The following PIGR variants were observed in gnomAD, a reference collection of about 807,000 sequenced individuals.
The protein encoded by PIGR is polymeric immunoglobulin receptor, also known as hepatocellular carcinoma associated protein TB6.
A neutral mutation model predicts 69.5 loss-of-function variants in PIGR; 22 were observed. The observed-to-expected ratio is 0.32, with a 90% confidence interval of 0.23 to 0.45. The LOEUF (loss-of-function observed/expected upper bound fraction) is 0.45, where lower values mean the gene tolerates loss of function less well. Ranked by LOEUF, PIGR falls within the 20% of genes least tolerant of loss-of-function variation. The pLI, the probability that PIGR is intolerant of heterozygous loss-of-function variation, is 1.00. For synonymous variants in PIGR, 413 were observed against 407.6 expected (o/e 1.01, Z -0.16); for missense variants, 885 against 974.0 (o/e 0.91, Z 1.22).
chr1:206,940,577 G>A lies in PIGR; in HGVS notation c.-46C>T, dbSNP rs1295495478. 6.6e-7 allele frequency: 1 copy of A among 1,519,230 alleles called. No individual in the cohort carries two copies. The highest frequency in any genetic ancestry group is 8.9e-7 in the Non-Finnish European group (1 of 1,127,598). The allele number at this position is 1,519,230 out of a possible 1,614,324, so 94.1% of individuals were successfully genotyped here. On this transcript the variant is annotated 5_prime_UTR_variant, in exon 2 of 11. Transcript: ENST00000356495. ...CGCACCACTCAGGCCGACTTCTCCT[G>A]TGCAATGCTGAAAAACAATAATCAC...
chr1:206,931,882 G>A (rs550784070), intron 8 of PIGR, 80 bp from the exon 9 acceptor site: 88 of 1,513,540 alleles, frequency 5.8e-5, no homozygotes, highest in Middle Eastern at 2.2e-4. Flanking sequence ...CTCTCTGGGC[G>A]GATCCACTGT....
In PIGR at chr1:206,929,220, G is replaced by A. The variant is rs565609658; in HGVS notation, c.*1098C>T. ...ATTGTGTCACTGCATTCCAGTCTGG[G>A]TGACACAGTGAGACTTTGTCTCAAA... On this transcript the variant is annotated 3_prime_UTR_variant, in exon 11 of 11. Transcript: ENST00000356495. The A allele has an allele frequency of 1.1e-4, 17 of 152,292 alleles. No homozygotes were observed. Among genetic ancestry groups the A allele is most frequent in the African/African-American group, 3.9e-4 (16 of 41,512 alleles). 9.4% of individuals were successfully genotyped at this position (152,292 alleles called of 1,614,324 possible). A position where few individuals can be genotyped will look rare whatever the true frequency, so the allele number is the denominator to read the frequency against.
At chr1:206,945,466 G>T (rs1337632913) in intron 1 of PIGR, among the ~76,000 whole-genome samples, 1 of 152,196 alleles carries the variant, frequency 6.6e-6, no homozygotes, top group Non-Finnish European at 1.5e-5. Flanking sequence ...TCTGAGATCT[G>T]CTGGCTGCAG....
In PIGR at chr1:206,939,218, T is replaced by G. The variant is rs748397817; in HGVS notation, c.289A>C (p.Ile97Leu). Residue 97 changes from isoleucine (I) to leucine (L), a missense_variant, in exon 3 of 11, where the codon ATT becomes CTT. Transcript: ENST00000356495. ...GAGTCATCCTGGCTCAGCTGGGCAA[T>G]GTTCACCACAAATGTGCCGTTCTCC... is the stretch of plus-strand genomic sequence containing the variant. Reference protein sequence around the residue: ...FPENGTFVVNIAQLSQDDSGR... With the variant: ...FPENGTFVVNLAQLSQDDSGR... 22 of 1,614,050 alleles carry G rather than the reference T, an allele frequency of 1.4e-5. No homozygotes were observed. The South Asian group carries it at 2.3e-4, about 17-fold the overall frequency.
intron 10 of PIGR, chr1:206,931,136 C>G (rs1161567806): frequency 2.0e-6 from 2 of 985,324 alleles, no homozygotes; most frequent in Non-Finnish European, 2.4e-6. Context: ...GATGTGTGGC[C>G]TGAGGTCCTT....
At position 206,930,461 on chromosome 1, in the gene PIGR, G is replaced by A. The variant is rs1679715506; in HGVS notation, c.2200-48C>T. ...TCAGTGTTGGGGGCACTGGCTCAGTGGGTGGAGTCAGGGGAGGGGAGGTGC... is the reference window on the plus strand; with the variant it reads ...TCAGTGTTGGGGGCACTGGCTCAGTAGGTGGAGTCAGGGGAGGGGAGGTGC... On this transcript the variant is annotated intron_variant, in intron 10 of 10. Transcript: ENST00000356495. This position sits in a 1 kb window ranked among gnomAD's most constrained non-coding sequence, Gnocchi z 4.3. 1 of 1,586,180 alleles carries A rather than the reference G, an allele frequency of 6.3e-7. No individual in the cohort carries two copies. The highest frequency in any genetic ancestry group is 1.3e-5 in the African/African-American group (1 of 74,214).
At chr1:206,934,863 T>C in intron 5 of PIGR, 117 bp from the exon 6 acceptor site, 1 of 550,342 alleles carries the variant, frequency 1.8e-6, no homozygotes. Flanking sequence ...ATATATATTT[T>C]TGTTTTTGTT....
rs1679855308 is a variant in PIGR, at chr1:206,935,933, C to T, written c.1046-115G>A. The T allele has an allele frequency of 1.4e-6, 1 of 699,104 alleles. No homozygotes were observed. Among genetic ancestry groups the T allele is most frequent in the Non-Finnish European group, 2.4e-6 (1 of 409,928 alleles). 43.3% of individuals were successfully genotyped at this position (699,104 alleles called of 1,614,324 possible). A position where few individuals can be genotyped will look rare whatever the true frequency, so the allele number is the denominator to read the frequency against. On this transcript the variant is annotated intron_variant, in intron 4 of 10. Transcript: ENST00000356495. This position sits in a 1 kb window ranked among gnomAD's most constrained non-coding sequence, Gnocchi z 4.4. Reference sequence around the variant, plus strand: ...CAGGATGGGGAGTGAAGTTTACACGCATCACCTTACCCTCTTCAGAAAATG... The same window carrying T: ...CAGGATGGGGAGTGAAGTTTACACGTATCACCTTACCCTCTTCAGAAAATG...
chr1:206,941,842 TA>T (rs1428934203), intron 1 of PIGR, among the ~76,000 whole-genome samples: 3 of 152,212 alleles, frequency 2.0e-5, no homozygotes, highest in Non-Finnish European at 1.5e-5. Flanking sequence ...TGACAGACTT[TA>T]AACTTTGGAG....
At chr1:206,931,934 C>T in intron 8 of PIGR, 132 bp from the exon 9 acceptor site, 2 of 951,516 alleles carry the variant, frequency 2.1e-6, no homozygotes, top group Admixed American at 2.0e-5. Context: ...CTGACTATGA[C>T]CCAGGGGGAT....
At chr1:206,936,871 T>G (rs757834686) in intron 4 of PIGR, among the ~76,000 whole-genome samples, 2 of 152,190 alleles carry the variant, frequency 1.3e-5, no homozygotes, top group Non-Finnish European at 2.9e-5. Flanking sequence ...GCCATCAAAA[T>G]GACTTTGATA....
Position 206,939,434 on chromosome 1 carries a change from G to T in PIGR, c.73C>A (p.Pro25Thr). The change falls in exon 3 of 11, where the codon CCC becomes ACC. Residue 25 changes from proline to threonine, a missense_variant. Coordinates refer to ENST00000356495, the MANE Select transcript of PIGR (RefSeq NM_002644.4). ...AISTKSPIFG[P>T]EEVNSVEGNS... is the part of the protein sequence containing the mutation. The stretch of plus-strand genomic sequence containing the variant: ...CCTTCCACACTATTCACCTCCTCGG[G>T]ACCAAATATGGGACTCTTCGTGGAG... 6.2e-7 allele frequency: 1 copy of T among 1,608,522 alleles called. No individual in the cohort carries two copies. The highest frequency in any genetic ancestry group is 1.1e-5 in the South Asian group (1 of 90,854).
At chr1:206,938,985 T>G in intron 3 of PIGR, 134 bp downstream of exon 3, 1 of 713,300 alleles carries the variant, frequency 1.4e-6, no homozygotes, top group Non-Finnish European at 2.3e-6. Flanking sequence ...AGTCTTTGCC[T>G]GGGGAAAGGG....
In PIGR at chr1:206,930,356, C is replaced by G; in HGVS notation, c.2257G>C (p.Val753Leu). Residue 753 changes from valine to leucine, a missense_variant, in exon 11 of 11, where the codon GTG becomes CTG. Coordinates refer to ENST00000356495, the MANE Select transcript of PIGR (RefSeq NM_002644.4). The surrounding 1 kb of genome is among the most constrained non-coding windows in gnomAD (Gnocchi z 4.3). ...YKDFLLQSST[V>L]AAEAQDGPQE... ...GGGCCGTCCTGGGCCTCGGCGGCCA[C>G]GGTGCTGGACTGGAGCAGGAAGTCT... 6.2e-7 allele frequency: 1 copy of G among 1,611,644 alleles called. No individual in the cohort carries two copies. Among genetic ancestry groups the G allele is most frequent in the Non-Finnish European group, 8.5e-7 (1 of 1,178,792 alleles).
rs189661532 is a variant in PIGR at position 206,932,721 on chromosome 1, A to C, written c.1887-144T>G. ...GCAGCTCCCTAGCTCTGTTCTTCTA[A>C]GAAGCCTTCCCAGACTGGCAAAGGC... is the stretch of plus-strand genomic sequence containing the variant. On this transcript the variant is annotated intron_variant, in intron 7 of 10. Coordinates refer to ENST00000356495, the MANE Select transcript of PIGR (RefSeq NM_002644.4). The C allele has an allele frequency of 9.2e-6, 10 of 1,090,584 alleles. 1 individual carries two copies. The highest frequency in any genetic ancestry group is 4.8e-5 in the African/African-American group (3 of 63,008). The allele number at this position is 1,090,584 out of a possible 1,614,324, so 67.6% of individuals were successfully genotyped here.
Position 206,929,682 on chromosome 1 carries a change from G to A in PIGR, c.*636C>T, listed in dbSNP as rs1423961701. 1 of 152,088 alleles carries A rather than the reference G, an allele frequency of 6.6e-6. No homozygotes were observed. The highest frequency in any genetic ancestry group is 1.5e-5 in the Non-Finnish European group (1 of 68,018). The allele number at this position is 152,088 out of a possible 1,614,324, so 9.4% of individuals were successfully genotyped here. The stretch of plus-strand genomic sequence containing the variant: ...CATGACCCCTAAGGCCTTAGGACTC[G>A]AGACATTTTATGACCTCTCCCAATA... On this transcript the variant is annotated 3_prime_UTR_variant, in exon 11 of 11. Transcript: ENST00000356495.
At position 206,930,891 on chromosome 1, in the gene PIGR, A is replaced by C; in HGVS notation, c.2200-478T>G. 3 of 985,454 alleles carry C rather than the reference A, an allele frequency of 3.0e-6. No individual in the cohort carries two copies. The highest frequency in any genetic ancestry group is 3.6e-6 in the Non-Finnish European group (3 of 829,932). The allele number at this position is 985,454 out of a possible 1,614,324, so 61.0% of individuals were successfully genotyped here. ...AAAAAGTAGATATGATAAAAACAAC[A>C]ACAACAACAACAAAAACTCTCACCT... On this transcript the variant is annotated intron_variant, in intron 10 of 10. Transcript: ENST00000356495. The surrounding 1 kb of genome is among the most constrained non-coding windows in gnomAD (Gnocchi z 4.3).
rs1244944189 is a variant in PIGR, at chr1:206,933,275, G to A, written c.1706-109C>T. 1.7e-5 allele frequency: 19 copies of A among 1,103,798 alleles called. No individual in the cohort carries two copies. In the East Asian group the frequency reaches 2.3e-4, roughly 13 times the overall value. The allele number at this position is 1,103,798 out of a possible 1,614,324, so 68.4% of individuals were successfully genotyped here. On this transcript the variant is annotated intron_variant, in intron 6 of 10. Transcript: ENST00000356495. ...ATGAGGAATCACAGGGTCAGGGTTC[G>A]ATCTCAAGGCTGTTGGGGTAGGACC...
At chr1:206,939,512 C>T (rs533773468) in intron 2 of PIGR, 49 bp from the exon 3 acceptor site, 1 of 1,380,504 alleles carries the variant, frequency 7.2e-7, no homozygotes, top group Non-Finnish European at 1.0e-6. Context: ...GGAGGTAAAG[C>T]CTGTTCCAGA....
Sources: gnomAD v4.1 joint callset for allele counts (sites outside exome capture counted in the v4.1 genomes callset) on GRCh38, gnomAD v4.1.1 for gene constraint, Gnocchi (gnomAD v3.1) non-coding constraint, MANE v1.5 for transcripts, NCBI Gene and HGNC (gene_info 2026-07-23, HGNC 2026-07-21) for gene names.